The following SLC4A10 variants were observed in gnomAD, a reference collection of about 807,000 sequenced individuals.
The protein encoded by SLC4A10 is solute carrier family 4 member 10, also known as sodium-driven chloride bicarbonate exchanger.
A neutral mutation model predicts 137.7 loss-of-function variants in SLC4A10; 42 were observed. The observed-to-expected ratio is 0.30, with a 90% CI of 0.24 to 0.39. SLC4A10 has a LOEUF of 0.39. Among genes scored for constraint, SLC4A10 ranks in the 10% least tolerant of loss-of-function variants. The probability of loss-of-function intolerance (pLI) is 1.00; values close to 1 mark genes in which losing one functional copy is unlikely to be tolerated. For synonymous variants in SLC4A10, 474 were observed against 464.1 expected, an observed-to-expected ratio of 1.02 and a Z score of -0.27; for missense variants, 925 against 1,355.0, an observed-to-expected ratio of 0.68 and a Z score of 4.98.
At position 161,894,140 on chromosome 2, in the gene SLC4A10, G is replaced by C. The variant is rs368989151; in HGVS notation, c.1195-539G>C. On this transcript the variant is annotated intron_variant, in intron 10 of 26. Transcript: ENST00000446997. ...TATGTAAGGAACTCAAGTATCCATA[G>C]ATTTTGGTATCTGCAGGGAATCCTG... Among the ~76,000 whole-genome samples the C allele has an allele frequency of 2.8e-4, 42 of 152,140 alleles. No homozygotes were observed. The South Asian group carries it at 7.5e-3, about 27-fold the overall frequency.
rs566945749 is a variant in SLC4A10, at chr2:161,789,411, G to A, written c.131-15038G>A. 2.0e-5 allele frequency among the ~76,000 whole-genome samples: 3 copies of A among 152,090 alleles called. No individual in the cohort carries two copies. In the South Asian group the frequency reaches 6.2e-4, roughly 32 times the overall value. On this transcript the variant is annotated intron_variant, in intron 2 of 26. Transcript: ENST00000446997. ...CCCAGTTTCTTCCCATGGGCTCTCT[G>A]AAAGCTCGTGGCTCTCTTCCCTCAG...
chr2:161,723,615 C>CA (rs779351308), intron 1 of SLC4A10, among the ~76,000 whole-genome samples: 25 of 152,070 alleles, frequency 1.6e-4, no homozygotes, highest in Non-Finnish European at 3.1e-4. Flanking sequence ...CTACTGTTTG[C>CA]AAAAAACAAA....
chr2:161,764,487 C>T (rs1030164371), intron 1 of SLC4A10, among the ~76,000 whole-genome samples: 1 of 151,764 alleles, frequency 6.6e-6, no homozygotes, highest in Non-Finnish European at 1.5e-5. Context: ...TTCTAGAATG[C>T]AAAAAGAATT....
At chr2:161,872,816 C>T (rs2061218826) in intron 7 of SLC4A10, among the ~76,000 whole-genome samples, 1 of 152,270 alleles carries the variant, frequency 6.6e-6, no homozygotes, top group Admixed American at 6.5e-5. Context: ...TGGGTTCAAG[C>T]AATTCTCAAG....
Position 161,807,632 on chromosome 2 carries a change from A to G in SLC4A10, c.277+3037A>G, listed in dbSNP as rs117641400. Among the ~76,000 whole-genome samples the G allele has an allele frequency of 6.1e-4, 93 of 152,268 alleles. No homozygotes were observed. The East Asian group carries it at 0.014, about 23-fold the overall frequency. On this transcript the variant is annotated intron_variant, in intron 3 of 26. Transcript: ENST00000446997. ...TAGCATGCAGTCTTAGGAATACTTT[A>G]GCATTACTAGTATTCCATTTGTATT...
chr2:161,821,280 C>A (rs1481003640), intron 3 of SLC4A10, among the ~76,000 whole-genome samples: 1 of 152,100 alleles, frequency 6.6e-6, no homozygotes, highest in Non-Finnish European at 1.5e-5. Context: ...TGCTAAGAGG[C>A]TGATACCTTT....
chr2:161,845,637 A>G (rs1262478469), intron 4 of SLC4A10, among the ~76,000 whole-genome samples: 1 of 152,128 alleles, frequency 6.6e-6, no homozygotes, highest in Non-Finnish European at 1.5e-5. Flanking sequence ...TCAGACACAT[A>G]AATCACTGGA....
intron 1 of SLC4A10, among the ~76,000 whole-genome samples, chr2:161,699,961 A>G: frequency 6.6e-6 from 1 of 152,190 alleles, no homozygotes. Context: ...TATCTACACT[A>G]TATTGATAGG....
At chr2:161,950,984 TGTCTTACAAGATACTTG>T in intron 19 of SLC4A10, 136 bp downstream of exon 19, 7 of 775,688 alleles carry the variant, frequency 9.0e-6, no homozygotes, top group Non-Finnish European at 1.3e-5. Flanking sequence ...TAATTTTTAT[TGTCTTACAAGATACTTG>T]GTCTTACAAT....
At chr2:161,868,645 TCAAA>T (rs2125913204) in intron 6 of SLC4A10, among the ~76,000 whole-genome samples, 1 of 151,762 alleles carries the variant, frequency 6.6e-6, no homozygotes, top group South Asian at 2.1e-4. Flanking sequence ...TGGTAAGATA[TCAAA>T]CAAATATTAG....
rs112442955 is a variant in SLC4A10, at chr2:161,936,710, T to C, written c.1998-6082T>C. ...TCTAGCTCAACATTTGTTGATTTTG[T>C]TATTATTTCAAAACACCAACCTTTA... On this transcript the variant is annotated intron_variant, in intron 15 of 26. Transcript: ENST00000446997. 4.3e-3 allele frequency among the ~76,000 whole-genome samples: 649 copies of C among 152,312 alleles called. 5 individuals are homozygous for C. The highest frequency in any genetic ancestry group is 0.015 in the African/African-American group (617 of 41,580).
intron 4 of SLC4A10, among the ~76,000 whole-genome samples, chr2:161,840,366 AAT>A (rs2059107488): frequency 2.6e-5 from 4 of 152,244 alleles, no homozygotes; most frequent in African/African-American, 9.6e-5. Context: ...TGAGGATAAA[AAT>A]AATTTGTAAT....
At chr2:161,909,130 C>G (rs563030794) in intron 15 of SLC4A10, among the ~76,000 whole-genome samples, 1 of 149,056 alleles carries the variant, frequency 6.7e-6, no homozygotes, top group Non-Finnish European at 1.5e-5. Flanking sequence ...ATACCTAATG[C>G]TAAATGATGA....
chr2:161,924,490 A>C (rs957468392), intron 15 of SLC4A10, among the ~76,000 whole-genome samples: 1 of 152,148 alleles, frequency 6.6e-6, no homozygotes, highest in East Asian at 1.9e-4. Context: ...CTGTGATTTT[A>C]TACATATATA....
chr2:161,665,729 A>G (rs2038962254), intron 1 of SLC4A10, among the ~76,000 whole-genome samples: 1 of 151,370 alleles, frequency 6.6e-6, no homozygotes, highest in African/African-American at 2.4e-5. Flanking sequence ...TGCACAAGCA[A>G]ACTTCACATA....
intron 15 of SLC4A10, among the ~76,000 whole-genome samples, chr2:161,932,622 C>T (rs963084378): frequency 2.6e-5 from 4 of 152,104 alleles, no homozygotes; most frequent in Non-Finnish European, 5.9e-5. Context: ...ACATGAAACT[C>T]TTATGTGGAT....
At chr2:161,771,219 A>G (rs1292546590) in intron 2 of SLC4A10, among the ~76,000 whole-genome samples, 165 bp downstream of exon 2, 1 of 151,920 alleles carries the variant, frequency 6.6e-6, no homozygotes, top group East Asian at 1.9e-4. Flanking sequence ...TTGGAATGTC[A>G]ATAGGCAGAC....
At chr2:161,765,542 GAGGCAGA>G (rs1335782322) in intron 1 of SLC4A10, among the ~76,000 whole-genome samples, 1 of 151,234 alleles carries the variant, frequency 6.6e-6, no homozygotes, top group African/African-American at 2.4e-5. Flanking sequence ...AGGAACCCAG[GAGGCAGA>G]GGTTGCAGTG....
intron 15 of SLC4A10, among the ~76,000 whole-genome samples, chr2:161,928,586 A>G (rs1689688480): frequency 6.7e-6 from 1 of 150,302 alleles, no homozygotes; most frequent in South Asian, 2.1e-4. Flanking sequence ...AAAAAAAACA[A>G]ACTTCTCAAT....
Sources: gnomAD v4.1 joint callset for allele counts (sites outside exome capture counted in the v4.1 genomes callset) on GRCh38, gnomAD v4.1.1 for gene constraint, MANE v1.5 for transcripts, NCBI Gene and HGNC (gene_info 2026-07-23, HGNC 2026-07-21) for gene names.